The following ANKRD31 variants were observed in gnomAD, a reference collection of about 807,000 sequenced individuals.
The protein encoded by ANKRD31 is ankyrin repeat domain 31.
Under a neutral mutation model 186.0 loss-of-function variants are expected in ANKRD31, and 147 were observed. That is an observed-to-expected ratio of 0.79 (90% CI 0.69 to 0.91). The LOEUF (loss-of-function observed/expected upper bound fraction) is 0.91, where lower values mean the gene tolerates loss of function less well. Among genes scored for constraint, ANKRD31 ranks in the 40% least tolerant of loss-of-function variants. ANKRD31 has a pLI of 0.00. For missense variants in ANKRD31, 1,986 were observed against 2,148.8 expected (o/e 0.92, Z 1.50); for synonymous variants, 673 against 736.4 (o/e 0.91, Z 1.39).
chr5:75,208,646 A>G (rs1200659904), intron 4 of ANKRD31, among the ~76,000 whole-genome samples: 1 of 152,226 alleles, frequency 6.6e-6, no homozygotes, highest in Non-Finnish European at 1.5e-5. Flanking sequence ...CAAATTCTTT[A>G]TCTATTCTTC....
chr5:75,133,097 G>C (rs913197166), intron 17 of ANKRD31, among the ~76,000 whole-genome samples: 1 of 152,146 alleles, frequency 6.6e-6, no homozygotes, highest in African/African-American at 2.4e-5. Flanking sequence ...GGAAGAAACT[G>C]CATCAACTAA....
chr5:75,131,218 G>C (rs1423937197), intron 17 of ANKRD31, among the ~76,000 whole-genome samples: 1 of 152,194 alleles, frequency 6.6e-6, no homozygotes, highest in Non-Finnish European at 1.5e-5. Flanking sequence ...ACCCCAGAAA[G>C]GGGCCCCCAC....
rs140101765 is a variant in ANKRD31, at chr5:75,176,004, C to T, written c.1565-6883G>A. Among the ~76,000 whole-genome samples the T allele has an allele frequency of 2.8e-3, 423 of 152,176 alleles. 1 individual carries two copies. The highest frequency in any genetic ancestry group is 8.8e-3 in the African/African-American group (364 of 41,504). On this transcript the variant is annotated intron_variant, in intron 10 of 25. Transcript: ENST00000506364. ...CCTAGTCAAAGAAAAGGGTGACAGA[C>T]GGCACCTGGAAAATTGGGTCACTCC...
At chr5:75,194,778 T>C (rs891448823) in intron 7 of ANKRD31, among the ~76,000 whole-genome samples, 2 of 152,078 alleles carry the variant, frequency 1.3e-5, no homozygotes, top group Non-Finnish European at 2.9e-5. Context: ...AGGCATTATA[T>C]ATAATATAAT....
Position 75,146,710 on chromosome 5 carries a change from C to G in ANKRD31, c.2701G>C (p.Asp901His). The change falls in exon 14 of 26, where the codon GAT becomes CAT. Residue 901 changes from aspartate (D) to histidine (H), a missense_variant. Transcript: ENST00000506364. ...GAGGTAGAGCAATCATCATCATCAT[C>G]ATTATCAGAATTTTCCTTTACAAAG... ...LSFVKENSDN[D>H]DDDDCSTSEK... is the part of the protein sequence containing the mutation. 1 of 1,536,090 alleles carries G rather than the reference C, an allele frequency of 6.5e-7. No individual in the cohort carries two copies. Among genetic ancestry groups the G allele is most frequent in the South Asian group, 1.2e-5 (1 of 84,014 alleles).
intron 10 of ANKRD31, among the ~76,000 whole-genome samples, chr5:75,179,349 A>G (rs1754086912): frequency 6.6e-6 from 1 of 152,180 alleles, no homozygotes. Context: ...ATTCCAATCA[A>G]TAGAAAAAGA....
chr5:75,195,689 CAT>C lies in ANKRD31; in HGVS notation c.957_958del (p.Cys320PhefsTer12). The C allele has an allele frequency of 6.5e-7, 1 of 1,537,270 alleles. No individual in the cohort carries two copies. Among genetic ancestry groups the C allele is most frequent in the Non-Finnish European group, 8.7e-7 (1 of 1,146,770 alleles). ...AGACGTATTGAACTCCACTTCTAAACATTCATTTCTGGCAATGAGACTGCTAC... is the reference window on the plus strand; with the variant it reads ...AGACGTATTGAACTCCACTTCTAAACTCATTTCTGGCAATGAGACTGCTAC... On this transcript the variant is annotated frameshift_variant, in exon 7 of 26. Coordinates refer to ENST00000506364, the MANE Select transcript of ANKRD31 (RefSeq NM_001372053.1). LOFTEE classifies it high-confidence loss of function.
chr5:75,233,892 G>A (rs1017459527), intron 1 of ANKRD31, among the ~76,000 whole-genome samples: 7 of 152,196 alleles, frequency 4.6e-5, no homozygotes, highest in Middle Eastern at 3.4e-3. Flanking sequence ...ACTCCAGCCT[G>A]GGTGATAGAA....
chr5:75,078,436 AT>A (rs796899569), intron 25 of ANKRD31, among the ~76,000 whole-genome samples: 2 of 152,098 alleles, frequency 1.3e-5, no homozygotes, highest in African/African-American at 4.8e-5. Context: ...AAAATAGCCT[AT>A]TTTTTTCTGG....
intron 17 of ANKRD31, among the ~76,000 whole-genome samples, chr5:75,118,803 C>T (rs563208664): frequency 1.3e-5 from 2 of 152,252 alleles, no homozygotes; most frequent in South Asian, 4.1e-4. Context: ...CCACTTGCAT[C>T]TTAACGTGGA....
At chr5:75,177,843 A>T (rs1303584479) in intron 10 of ANKRD31, among the ~76,000 whole-genome samples, 1 of 152,190 alleles carries the variant, frequency 6.6e-6, no homozygotes, top group African/African-American at 2.4e-5. Context: ...CAAAATAACC[A>T]GCTAACATCA....
At chr5:75,180,846 CA>C (rs1309818231) in intron 10 of ANKRD31, among the ~76,000 whole-genome samples, 3 of 152,030 alleles carry the variant, frequency 2.0e-5, no homozygotes, top group African/African-American at 7.2e-5. Flanking sequence ...GTCTAAACAC[CA>C]AAAGCAATGG....
intron 10 of ANKRD31, among the ~76,000 whole-genome samples, chr5:75,172,766 G>C (rs1457912311): frequency 6.6e-6 from 1 of 152,124 alleles, no homozygotes; most frequent in Non-Finnish European, 1.5e-5. Context: ...ACCAAAAAAA[G>C]TCCAGGACCA....
At chr5:75,142,274 A>G (rs1231244235) in intron 15 of ANKRD31, among the ~76,000 whole-genome samples, 1 of 151,918 alleles carries the variant, frequency 6.6e-6, no homozygotes, top group Non-Finnish European at 1.5e-5. Context: ...TTCTTTAATG[A>G]TTTCTTCTAC....
In ANKRD31 at chr5:75,146,154, T is replaced by C. The variant is rs1430664621; in HGVS notation, c.3257A>G (p.His1086Arg). The change falls in exon 14 of 26, where the codon CAT becomes CGT. Residue 1086 changes from histidine to arginine, a missense_variant. Physicochemically the swap from His to Arg is conservative, Grantham distance 29 (BLOSUM62 0). Transcript: ENST00000506364. Reference sequence around the variant, plus strand: ...TTTAGTTGTTTCTATTACTTGAGAATGAGCAACTATGGATAAAGGCTCATT... The same window carrying C: ...TTTAGTTGTTTCTATTACTTGAGAACGAGCAACTATGGATAAAGGCTCATT... The part of the protein sequence containing the change: ...YSNEPLSIVA[H>R]SQVIETTKVE... The C allele has an allele frequency of 6.5e-6, 10 of 1,535,828 alleles. No individual in the cohort carries two copies. Among genetic ancestry groups the C allele is most frequent in the Non-Finnish European group, 8.7e-6 (10 of 1,146,292 alleles).
chr5:75,080,529 T>A, intron 25 of ANKRD31, 39 bp downstream of exon 25: 1 of 1,389,260 alleles, frequency 7.2e-7, no homozygotes, highest in South Asian at 1.3e-5. Flanking sequence ...TAAACACTTA[T>A]AAAAGTAAAT....
intron 22 of ANKRD31, among the ~76,000 whole-genome samples, chr5:75,103,717 G>T (rs1747097054): frequency 6.6e-6 from 1 of 152,156 alleles, no homozygotes; most frequent in African/African-American, 2.4e-5. Flanking sequence ...AATGGAGCTG[G>T]AAGCCATTAT....
chr5:75,172,177 C>A (rs1753380825), intron 10 of ANKRD31, among the ~76,000 whole-genome samples: 1 of 151,736 alleles, frequency 6.6e-6, no homozygotes, highest in Non-Finnish European at 1.5e-5. Flanking sequence ...CAAATCGAAT[C>A]CAGCCATATA....
chr5:75,232,878 TAGA>T (rs1312323655), intron 1 of ANKRD31, among the ~76,000 whole-genome samples: 28 of 152,226 alleles, frequency 1.8e-4, no homozygotes, highest in African/African-American at 6.3e-4. Context: ...GCCCTCCCTG[TAGA>T]AGGAGAAAAG....
Sources: allele counts gnomAD v4.1 joint callset (sites outside exome capture counted in the v4.1 genomes callset), GRCh38; gene constraint gnomAD v4.1.1; transcripts MANE v1.5; gene names NCBI Gene and HGNC (gene_info 2026-07-23, HGNC 2026-07-21).